The following BUB1B variants were observed in gnomAD, a reference collection of about 807,000 sequenced individuals.
BUB1B encodes mitotic checkpoint serine/threonine-protein kinase BUB1 beta.
A neutral mutation model predicts 137.7 loss-of-function variants in BUB1B; 86 were observed. The observed-to-expected ratio is 0.62, with a 90% confidence interval of 0.52 to 0.75. BUB1B has a LOEUF of 0.75. Ranked by LOEUF, BUB1B falls within the 30% of genes least tolerant of loss-of-function variation. The probability of loss-of-function intolerance (pLI) is 0.00; values close to 1 mark genes in which losing one functional copy is unlikely to be tolerated. For missense variants in BUB1B, 1,130 were observed against 1,236.9 expected (o/e 0.91, Z 1.30); for synonymous variants, 420 against 417.9 (o/e 1.00, Z -0.06).
rs372081557 is a variant in BUB1B, at chr15:40,170,528, C to A, written c.240-9C>A. 16 of 1,613,250 alleles carry A rather than the reference C, an allele frequency of 9.9e-6. No homozygotes were observed. Among genetic ancestry groups the A allele is most frequent in the Non-Finnish European group, 1.0e-5 (12 of 1,179,432 alleles). On this transcript the variant is annotated splice_polypyrimidine_tract_variant and intron_variant, in intron 3 of 22. Coordinates refer to ENST00000287598, the MANE Select transcript of BUB1B (RefSeq NM_001211.6). ...TAAAATGTGTTCTTATCTTTTTCCT[C>A]CCATTTAGGTATATCAGCTGGACAG...
intron 13 of BUB1B, 44 bp from the exon 14 acceptor site, chr15:40,202,545 A>C (rs1203338528): frequency 6.3e-7 from 1 of 1,598,152 alleles, no homozygotes; most frequent in Non-Finnish European, 8.6e-7. Context: ...ATTAGGGGTT[A>C]CTGTTATGAA....
chr15:40,212,538 C>G lies in BUB1B; in HGVS notation c.2425C>G (p.Leu809Val), dbSNP rs758693138. 3 of 1,612,972 alleles carry G rather than the reference C, an allele frequency of 1.9e-6. No homozygotes were observed. The East Asian group carries it at 6.7e-5, about 36-fold the overall frequency. ...QPVPWDFYIN[L>V]KLKERLNEDF... is the part of the protein sequence containing the mutation. ...TGTCCCATGGGACTTTTATATCAACCTCAAGTTAAAGGAACGTTTAAATGA... is the reference window on the plus strand; with the variant it reads ...TGTCCCATGGGACTTTTATATCAACGTCAAGTTAAAGGAACGTTTAAATGA... The change falls in exon 19 of 23, where the codon CTC becomes GTC. Residue 809 changes from leucine (L) to valine (V), a missense_variant. Coordinates refer to ENST00000287598, the MANE Select transcript of BUB1B (RefSeq NM_001211.6).
chr15:40,219,576 T>C (rs1381116785), intron 22 of BUB1B, among the ~76,000 whole-genome samples: 2 of 152,050 alleles, frequency 1.3e-5, no homozygotes, highest in African/African-American at 2.4e-5. Flanking sequence ...GAAAATTAGC[T>C]GGGTGTGGTG....
intron 5 of BUB1B, 152 bp downstream of exon 5, chr15:40,176,825 T>C (rs2140885693): frequency 2.4e-6 from 2 of 819,072 alleles, no homozygotes; most frequent in African/African-American, 1.7e-5. Flanking sequence ...TTAAAAATTT[T>C]ATTTATCATA....
In BUB1B at chr15:40,165,154, C is replaced by T; in HGVS notation, c.137C>T (p.Ala46Val). ...ATGTCCACGCTTCAGGGAGCACTGG[C>T]ACAAGAATCTGCCTGTAACAATACT... ...RIMSTLQGAL[A>V]QESACNNTLQ... The change falls in exon 2 of 23, where the codon GCA (alanine) becomes GTA (valine). Residue 46 changes from alanine to valine, a missense_variant. Ala to Val is a moderately conservative substitution (Grantham distance 64). Transcript: ENST00000287598. The T allele has an allele frequency of 6.2e-7, 1 of 1,614,204 alleles. No homozygotes were observed. The highest frequency in any genetic ancestry group is 8.5e-7 in the Non-Finnish European group (1 of 1,180,046).
At chr15:40,207,069 C>T (rs944723225) in intron 15 of BUB1B, among the ~76,000 whole-genome samples, 3 of 152,154 alleles carry the variant, frequency 2.0e-5, no homozygotes, top group Non-Finnish European at 2.9e-5. Flanking sequence ...CTCGGCCTCT[C>T]AAAGTGCTGG....
At chr15:40,202,552 T>A (rs376464582) in intron 13 of BUB1B, 37 bp from the exon 14 acceptor site, 2 of 1,603,676 alleles carry the variant, frequency 1.2e-6, no homozygotes, top group Non-Finnish European at 1.7e-6. Context: ...GTTACTGTTA[T>A]GAAAAAAATT....
At chr15:40,213,958 A>G (rs2037744893) in intron 20 of BUB1B, among the ~76,000 whole-genome samples, 2 of 152,268 alleles carry the variant, frequency 1.3e-5, no homozygotes, top group Non-Finnish European at 2.9e-5. Context: ...CAAAGAAATA[A>G]ACACATTGAG....
chr15:40,193,626 C>T (rs2037463772), intron 8 of BUB1B, among the ~76,000 whole-genome samples: 1 of 151,434 alleles, frequency 6.6e-6, no homozygotes, highest in African/African-American at 2.4e-5. Context: ...GACAGGGTCT[C>T]AGCCGGGCGT....
At chr15:40,216,352 C>T (rs564181999) in intron 20 of BUB1B, among the ~76,000 whole-genome samples, 34 of 151,904 alleles carry the variant, frequency 2.2e-4, no homozygotes, top group African/African-American at 7.7e-4. Flanking sequence ...ATGGGAGGAT[C>T]GCTTGAACCT....
chr15:40,185,304 A>T lies in BUB1B; in HGVS notation c.891A>T (p.Ala297=), dbSNP rs2037346037. 1.2e-6 allele frequency: 2 copies of T among 1,613,968 alleles called. No individual in the cohort carries two copies. Among genetic ancestry groups the T allele is most frequent in the Non-Finnish European group, 1.7e-6 (2 of 1,180,020 alleles). ...LSKPTVQPWI[A]PPMPRAKENE... is the part of the protein sequence containing the mutation. ...AGCCTACAGTCCAGCCATGGATAGC[A>T]CCCCCCATGCCCAGGGCCAAAGAGA... Residue 297 remains alanine, a synonymous_variant, in exon 7 of 23, where the codon GCA becomes GCT. Transcript: ENST00000287598.
intron 4 of BUB1B, among the ~76,000 whole-genome samples, chr15:40,170,899 C>T (rs577626539): frequency 7.1e-4 from 108 of 152,150 alleles, no homozygotes; most frequent in Non-Finnish European, 1.2e-3. Context: ...TAAGATTGAT[C>T]GCAAAGTCTG....
intron 22 of BUB1B, 91 bp from the exon 23 acceptor site, chr15:40,220,473 T>G: frequency 7.7e-7 from 1 of 1,292,466 alleles, no homozygotes; most frequent in Non-Finnish European, 1.1e-6. Context: ...TTACACCATT[T>G]TGGTGCATAA....
intron 14 of BUB1B, among the ~76,000 whole-genome samples, chr15:40,203,307 C>G (rs1017668220): frequency 6.6e-6 from 1 of 151,960 alleles, no homozygotes; most frequent in Non-Finnish European, 1.5e-5. Context: ...ATACAAAGAC[C>G]ACATACTATA....
At chr15:40,178,620 T>A (rs2140886623) in intron 5 of BUB1B, among the ~76,000 whole-genome samples, 1 of 152,264 alleles carries the variant, frequency 6.6e-6, no homozygotes, top group East Asian at 1.9e-4. Context: ...CATTGATGAC[T>A]TTCTGTCTAC....
At chr15:40,164,467 C>T (rs2037072091) in intron 1 of BUB1B, among the ~76,000 whole-genome samples, 1 of 151,848 alleles carries the variant, frequency 6.6e-6, no homozygotes, top group African/African-American at 2.4e-5. Context: ...GGCTCAAGCA[C>T]TTCTCCTGAC....
At chr15:40,220,250 G>T (rs985963555) in intron 22 of BUB1B, among the ~76,000 whole-genome samples, 7 of 152,290 alleles carry the variant, frequency 4.6e-5, no homozygotes, top group Non-Finnish European at 8.8e-5. Context: ...AAAGTTAGAG[G>T]AAATAAAATT....
At chr15:40,217,336 C>A in intron 20 of BUB1B, 160 bp from the exon 21 acceptor site, 1 of 710,808 alleles carries the variant, frequency 1.4e-6, no homozygotes, top group Non-Finnish European at 2.4e-6. Context: ...TGGACACTGC[C>A]ACTGCTCTGT....
intron 22 of BUB1B, among the ~76,000 whole-genome samples, chr15:40,219,231 T>G (rs2037851604): frequency 6.6e-6 from 1 of 152,116 alleles, no homozygotes; most frequent in African/African-American, 2.4e-5. Flanking sequence ...TTAATAGCAA[T>G]TATTACCAAA....
Sources: allele counts gnomAD v4.1 joint callset (sites outside exome capture counted in the v4.1 genomes callset), GRCh38; gene constraint gnomAD v4.1.1; transcripts MANE v1.5; gene names NCBI Gene and HGNC (gene_info 2026-07-23, HGNC 2026-07-21).